Variants in PIP5K1B observed in about 807,000 individuals in gnomAD.
PIP5K1B encodes phosphatidylinositol-4-phosphate 5-kinase type 1 beta.
Under a neutral mutation model 67.0 loss-of-function variants are expected in PIP5K1B, and 42 were observed. That is an observed-to-expected ratio of 0.63 (90% CI 0.49 to 0.81). The LOEUF is 0.81. PIP5K1B is among the 30% of genes least tolerant of loss of function. PIP5K1B has a pLI of 0.00. For missense variants in PIP5K1B, 459 were observed against 646.3 expected, an observed-to-expected ratio of 0.71 and a Z score of 3.14; for synonymous variants, 214 against 231.4, an observed-to-expected ratio of 0.92 and a Z score of 0.68.
At chr9:68,826,614 CA>C (rs1346332504) in intron 4 of PIP5K1B, among the ~76,000 whole-genome samples, 1 of 152,100 alleles carries the variant, frequency 6.6e-6, no homozygotes, top group Non-Finnish European at 1.5e-5. Context: ...AAGGAGGATG[CA>C]AAAGAAGTGT....
intron 8 of PIP5K1B, among the ~76,000 whole-genome samples, chr9:68,914,575 C>T (rs906495295): frequency 1.3e-5 from 2 of 151,980 alleles, no homozygotes; most frequent in Non-Finnish European, 2.9e-5. Flanking sequence ...ATTAGCAAGG[C>T]GTGGTGGCAG....
intron 12 of PIP5K1B, among the ~76,000 whole-genome samples, chr9:68,924,657 T>G (rs1292728222): frequency 6.6e-6 from 1 of 152,118 alleles, no homozygotes; most frequent in Admixed American, 6.5e-5. Context: ...TATAGTTATT[T>G]TATCATTTTG....
chr9:68,781,825 C>G (rs1167890679), intron 2 of PIP5K1B: 2 of 166,648 alleles, frequency 1.2e-5, no homozygotes, highest in East Asian at 1.9e-4. Context: ...CAGTCTTTGC[C>G]CACTATACAT....
chr9:68,969,959 C>T (rs1829264875), intron 14 of PIP5K1B, among the ~76,000 whole-genome samples: 2 of 151,972 alleles, frequency 1.3e-5, no homozygotes, highest in South Asian at 4.2e-4. Context: ...ATTCATAGGA[C>T]ATGAAATTTT....
intron 14 of PIP5K1B, among the ~76,000 whole-genome samples, chr9:68,990,359 C>T (rs898562070): frequency 6.6e-6 from 1 of 151,104 alleles, no homozygotes; most frequent in African/African-American, 2.4e-5. Context: ...TTCTGAGGCA[C>T]ATGTAAGTTT....
chr9:68,946,200 TC>T (rs1204186185), intron 14 of PIP5K1B, among the ~76,000 whole-genome samples: 1 of 152,156 alleles, frequency 6.6e-6, no homozygotes, highest in Non-Finnish European at 1.5e-5. Context: ...TGCAAAAACT[TC>T]CTAGTGATTC....
intron 4 of PIP5K1B, among the ~76,000 whole-genome samples, chr9:68,833,783 G>C (rs1834448638): frequency 6.6e-6 from 1 of 152,208 alleles, no homozygotes. Flanking sequence ...TTGATCCCAG[G>C]ATTCTAATTT....
rs556002762 is a variant in PIP5K1B, at chr9:68,943,118, G to T, written c.1502+2328G>T. Among the ~76,000 whole-genome samples the T allele has an allele frequency of 4.6e-4, 70 of 152,240 alleles. 1 individual carries two copies. Among genetic ancestry groups the T allele is most frequent in the African/African-American group, 1.6e-3 (67 of 41,544 alleles). Reference sequence around the variant, plus strand: ...CACCCTTTAAAAACCAAACAACTTCGCTAAAATACCCAGATTCTTTTGCAA... The same window carrying T: ...CACCCTTTAAAAACCAAACAACTTCTCTAAAATACCCAGATTCTTTTGCAA... On this transcript the variant is annotated intron_variant, in intron 14 of 15. Transcript: ENST00000265382.
intron 2 of PIP5K1B, chr9:68,789,196 G>A (rs12336421): frequency 0.01 from 5,556 of 531,878 alleles, 254 homozygotes; most frequent in African/African-American, 0.098. Flanking sequence ...GTGGGAAGTT[G>A]GTCACCCACA....
At chr9:68,923,409 T>G in intron 12 of PIP5K1B, 23 bp downstream of exon 12, 1 of 1,320,942 alleles carries the variant, frequency 7.6e-7, no homozygotes, top group South Asian at 1.3e-5. Context: ...TGAATTTTTT[T>G]TTTTACTTTT....
chr9:68,786,244 A>T (rs1235129185), intron 2 of PIP5K1B: 2 of 152,160 alleles, frequency 1.3e-5, no homozygotes, highest in Admixed American at 6.5e-5. Flanking sequence ...TTTGCCAGTA[A>T]TAATAATAAT....
intron 6 of PIP5K1B, among the ~76,000 whole-genome samples, chr9:68,877,420 A>G (rs987018185): frequency 6.6e-6 from 1 of 152,226 alleles, no homozygotes; most frequent in Non-Finnish European, 1.5e-5. Context: ...TTCCTGTTCA[A>G]GAAGCCAGGA....
At chr9:68,771,578 C>T (rs1434488104) in intron 2 of PIP5K1B, among the ~76,000 whole-genome samples, 1 of 152,120 alleles carries the variant, frequency 6.6e-6, no homozygotes, top group Non-Finnish European at 1.5e-5. Flanking sequence ...GTCTCATTTC[C>T]CTTATCTATA....
chr9:68,823,166 A>G (rs1047570700), intron 4 of PIP5K1B, among the ~76,000 whole-genome samples: 1 of 152,238 alleles, frequency 6.6e-6, no homozygotes, highest in Non-Finnish European at 1.5e-5. Context: ...TTTATCTAAA[A>G]GGTCAGCTGA....
chr9:68,786,921 G>A (rs67457572), intron 2 of PIP5K1B, among the ~76,000 whole-genome samples: 41,804 of 151,952 alleles, frequency 0.28, 6,051 homozygotes, highest in Admixed American at 0.33. Context: ...CCAACCGGAA[G>A]GTTGGGATTC....
At chr9:68,706,713 A>G (rs541005073) in intron 1 of PIP5K1B, among the ~76,000 whole-genome samples, 2 of 152,280 alleles carry the variant, frequency 1.3e-5, no homozygotes, top group Admixed American at 1.3e-4. Context: ...TTTAAGGGGA[A>G]TGATCCTTAA....
chr9:68,951,333 TTC>T (rs1345779327), intron 14 of PIP5K1B, among the ~76,000 whole-genome samples: 8 of 152,230 alleles, frequency 5.3e-5, no homozygotes, highest in East Asian at 1.9e-4. Context: ...ATGGTAGAGT[TTC>T]TCTGTCTTTT....
intron 2 of PIP5K1B, among the ~76,000 whole-genome samples, chr9:68,818,149 C>T (rs932416834): frequency 4.6e-5 from 7 of 152,224 alleles, no homozygotes; most frequent in Admixed American, 2.6e-4. Context: ...TTGCTTTTAT[C>T]TTTTGCGCAT....
intron 5 of PIP5K1B, among the ~76,000 whole-genome samples, chr9:68,865,645 T>C (rs1160787962): frequency 2.0e-5 from 3 of 152,130 alleles, no homozygotes; most frequent in African/African-American, 7.2e-5. Context: ...CAGTGTCCAA[T>C]CAACACAGCC....
Sources: allele counts gnomAD v4.1 joint callset (sites outside exome capture counted in the v4.1 genomes callset), GRCh38; gene constraint gnomAD v4.1.1; transcripts MANE v1.5; gene names NCBI Gene and HGNC (gene_info 2026-07-23, HGNC 2026-07-21).